The following TAX1BP1 variants were observed in gnomAD, a reference collection of about 807,000 sequenced individuals.
The protein encoded by TAX1BP1 is tax1-binding protein 1.
TAX1BP1 carries 62 observed loss-of-function variants against 97.7 expected under a neutral mutation model. The ratio of observed to expected loss-of-function variants is 0.63; its 90% CI spans 0.52 to 0.78. The LOEUF (loss-of-function observed/expected upper bound fraction) is 0.78, where lower values mean the gene tolerates loss of function less well. TAX1BP1 is among the 30% of genes least tolerant of loss of function. The pLI is 0.00. For missense variants in TAX1BP1, 867 were observed against 916.1 expected (o/e 0.95, Z 0.69); for synonymous variants, 340 against 304.2 (o/e 1.12, Z -1.23).
At chr7:27,761,897 G>A (rs956411951) in intron 3 of TAX1BP1, among the ~76,000 whole-genome samples, 2 of 152,308 alleles carry the variant, frequency 1.3e-5, no homozygotes, top group South Asian at 2.1e-4. Context: ...AGGAAACTGC[G>A]AAACTGTCTT....
At chr7:27,776,102 A>G (rs1789024711) in intron 5 of TAX1BP1, among the ~76,000 whole-genome samples, 1 of 152,186 alleles carries the variant, frequency 6.6e-6, no homozygotes, top group Admixed American at 6.5e-5. Flanking sequence ...TGCAACTTCA[A>G]ATTTGAAATT....
intron 13 of TAX1BP1, among the ~76,000 whole-genome samples, chr7:27,807,725 C>CT (rs950591937): frequency 4.6e-5 from 7 of 152,022 alleles, no homozygotes; most frequent in Admixed American, 1.3e-4. Flanking sequence ...CTTTATCAGA[C>CT]TTTCACCTGG....
At chr7:27,759,944 G>A (rs902283544) in intron 3 of TAX1BP1, among the ~76,000 whole-genome samples, 1 of 149,716 alleles carries the variant, frequency 6.7e-6, no homozygotes, top group South Asian at 2.1e-4. Flanking sequence ...ATCTCTGCCT[G>A]CTGGGTTCAA....
At chr7:27,822,669 A>C (rs575519598) in intron 15 of TAX1BP1, among the ~76,000 whole-genome samples, 15 of 152,330 alleles carry the variant, frequency 9.8e-5, no homozygotes, top group African/African-American at 3.4e-4. Context: ...ATATCTGTTC[A>C]AATCCTTCTG....
At chr7:27,778,468 G>A (rs1187255520) in intron 5 of TAX1BP1, among the ~76,000 whole-genome samples, 1 of 151,992 alleles carries the variant, frequency 6.6e-6, no homozygotes, top group Admixed American at 6.6e-5. Flanking sequence ...ATATAGATAG[G>A]TTCTGTAAGA....
intron 13 of TAX1BP1, among the ~76,000 whole-genome samples, chr7:27,809,375 TCC>T: frequency 6.6e-6 from 1 of 152,354 alleles, no homozygotes; most frequent in East Asian, 1.9e-4. Context: ...TGGCCTACAT[TCC>T]TAATGGAAGA....
At chr7:27,767,970 T>C (rs7790914) in intron 4 of TAX1BP1, among the ~76,000 whole-genome samples, 140,231 of 151,984 alleles carry the variant, frequency 0.92, 64,895 homozygotes, top group East Asian at 1. Flanking sequence ...TTATCTGGGG[T>C]CCTGTTGACA....
intron 5 of TAX1BP1, among the ~76,000 whole-genome samples, chr7:27,782,760 G>A (rs529406026): frequency 3.3e-5 from 5 of 152,242 alleles, no homozygotes; most frequent in African/African-American, 1.2e-4. Flanking sequence ...TATTTAAAGT[G>A]TTCAGGTGCT....
intron 11 of TAX1BP1, among the ~76,000 whole-genome samples, chr7:27,795,596 A>T (rs1050749740): frequency 1.3e-5 from 2 of 152,194 alleles, no homozygotes; most frequent in Admixed American, 1.3e-4. Context: ...TCTGTCCCCC[A>T]GGCTGGAGTG....
chr7:27,794,047 TGTA>T (rs1789821818), intron 10 of TAX1BP1, among the ~76,000 whole-genome samples: 1 of 152,234 alleles, frequency 6.6e-6, no homozygotes, highest in South Asian at 2.1e-4. Context: ...GTTATAACTT[TGTA>T]GTAGATTTCT....
chr7:27,765,117 G>C (rs1294607272), intron 3 of TAX1BP1, among the ~76,000 whole-genome samples: 2 of 144,884 alleles, frequency 1.4e-5, no homozygotes, highest in African/African-American at 2.6e-5. Flanking sequence ...CTGGGCTCAA[G>C]CGATCCTCCC....
At chr7:27,798,351 T>A (rs1046490653) in intron 12 of TAX1BP1, among the ~76,000 whole-genome samples, 7 of 151,908 alleles carry the variant, frequency 4.6e-5, no homozygotes, top group Non-Finnish European at 8.8e-5. Context: ...CTGGGTGATA[T>A]TGTAGTTGAA....
chr7:27,798,085 T>C (rs1236953720), intron 12 of TAX1BP1, among the ~76,000 whole-genome samples: 1 of 152,196 alleles, frequency 6.6e-6, no homozygotes, highest in Non-Finnish European at 1.5e-5. Flanking sequence ...TTAGACAATT[T>C]TATAAAATGG....
At position 27,766,754 on chromosome 7, in the gene TAX1BP1, A is replaced by G. The variant is rs530321420; in HGVS notation, c.453+733A>G. ...CTGCTTGGGATAATGGTGTAAATCAATAAATCTAACTGTAATTGGATGTGA... is the reference window on the plus strand; with the variant it reads ...CTGCTTGGGATAATGGTGTAAATCAGTAAATCTAACTGTAATTGGATGTGA... On this transcript the variant is annotated intron_variant, in intron 4 of 16. Coordinates refer to ENST00000396319, the MANE Select transcript of TAX1BP1 (RefSeq NM_006024.7). Among the ~76,000 whole-genome samples the G allele has an allele frequency of 3.9e-5, 6 of 152,286 alleles. No homozygotes were observed. In the East Asian group the frequency reaches 9.6e-4, roughly 24 times the overall value.
At chr7:27,795,225 C>T (rs1789874034) in intron 11 of TAX1BP1, among the ~76,000 whole-genome samples, 1 of 152,012 alleles carries the variant, frequency 6.6e-6, no homozygotes, top group Non-Finnish European at 1.5e-5. Flanking sequence ...CTTCTGTTTC[C>T]ATGTATCCTC....
At chr7:27,825,582 G>A (rs1330033291) in intron 15 of TAX1BP1, among the ~76,000 whole-genome samples, 1 of 152,122 alleles carries the variant, frequency 6.6e-6, no homozygotes, top group African/African-American at 2.4e-5. Context: ...GTAATAGGTG[G>A]TAGAAGATAA....
In TAX1BP1 at chr7:27,796,329, T is replaced by C. The variant is rs570637134; in HGVS notation, c.1638+110T>C. The C allele has an allele frequency of 1.4e-5, 12 of 876,402 alleles. No homozygotes were observed. In the African/African-American group the frequency reaches 1.9e-4, roughly 14 times the overall value. 54.3% of individuals were successfully genotyped at this position (876,402 alleles called of 1,614,324 possible). On this transcript the variant is annotated intron_variant, in intron 12 of 16. Transcript: ENST00000396319. ...TTTGAGTTTCTTTTCCATCTCCATA[T>C]AGTGTTACTTAGTTTCACTTTGGCT... is the stretch of plus-strand genomic sequence containing the variant.
chr7:27,773,016 A>G (rs1788903466), intron 5 of TAX1BP1, among the ~76,000 whole-genome samples: 2 of 152,088 alleles, frequency 1.3e-5, no homozygotes, highest in South Asian at 4.1e-4. Context: ...AAAAAGGCTC[A>G]TTAATAAAAA....
chr7:27,758,108 A>G lies in TAX1BP1; in HGVS notation c.240A>G (p.Thr80=). Residue 80 remains threonine, a synonymous_variant, in exon 3 of 17, where the codon ACA becomes ACG. Coordinates refer to ENST00000396319, the MANE Select transcript of TAX1BP1 (RefSeq NM_006024.7). ...CTGAACATTATGTGGAAGGATCAACAGTCAATTGTGTACTAGCATTCCAAG... is the reference window on the plus strand; with the variant it reads ...CTGAACATTATGTGGAAGGATCAACGGTCAATTGTGTACTAGCATTCCAAG... ...PMPEHYVEGS[T]VNCVLAFQGY... The G allele has an allele frequency of 6.2e-7, 1 of 1,612,070 alleles. No individual in the cohort carries two copies. The highest frequency in any genetic ancestry group is 8.5e-7 in the Non-Finnish European group (1 of 1,179,060).
Sources: gnomAD v4.1 joint callset for allele counts (sites outside exome capture counted in the v4.1 genomes callset) on GRCh38, gnomAD v4.1.1 for gene constraint, MANE v1.5 for transcripts, NCBI Gene and HGNC (gene_info 2026-07-23, HGNC 2026-07-21) for gene names.